KIAA0586: variants seen among roughly 807,000 people sequenced by gnomAD.
KIAA0586 encodes KIAA0586.
Under a neutral mutation model 169.8 loss-of-function variants are expected in KIAA0586, and 144 were observed. The observed-to-expected ratio is 0.85, with a 90% confidence interval of 0.74 to 0.97. The LOEUF (loss-of-function observed/expected upper bound fraction) is 0.97. Among genes scored for constraint, KIAA0586 ranks in the 50% least tolerant of loss-of-function variants. KIAA0586 has a pLI of 0.00. For synonymous variants in KIAA0586, 625 were observed against 612.4 expected, an observed-to-expected ratio of 1.02 and a Z score of -0.30; for missense variants, 1,854 against 1,823.0, an observed-to-expected ratio of 1.02 and a Z score of -0.31.
At chr14:58,557,815 A>T in the KIAA0586 span, among the ~76,000 whole-genome samples, 1 of 148,914 alleles carries the variant, frequency 6.7e-6, no homozygotes, top group African/African-American at 2.5e-5. Flanking sequence ...CTTCAGAGAG[A>T]GGAAGACTTT....
At chr14:58,429,799 G>C (rs890103156) in intron 2 of KIAA0586, among the ~76,000 whole-genome samples, 1 of 152,156 alleles carries the variant, frequency 6.6e-6, no homozygotes, top group African/African-American at 2.4e-5. Context: ...AGGTGTGCTT[G>C]CATGTCATTC....
the KIAA0586 span, among the ~76,000 whole-genome samples, chr14:58,560,031 A>G: frequency 2.0e-5 from 3 of 151,960 alleles, no homozygotes; most frequent in African/African-American, 7.3e-5. Flanking sequence ...CGCGCCTGTA[A>G]TACCAGCTAC....
chr14:58,458,642 A>G (rs780721211), intron 12 of KIAA0586, 97 bp downstream of exon 12: 16 of 639,352 alleles, frequency 2.5e-5, no homozygotes, highest in African/African-American at 2.5e-4. Flanking sequence ...AATATTTCTT[A>G]TATAAAAATC....
intron 22 of KIAA0586, 66 bp from the exon 23 acceptor site, chr14:58,487,821 A>G (rs755823833): frequency 8.1e-6 from 8 of 983,904 alleles, no homozygotes; most frequent in Admixed American, 2.2e-5. Context: ...GCAATGTATC[A>G]TGCCATCCTA....
intron 21 of KIAA0586, among the ~76,000 whole-genome samples, chr14:58,485,541 T>C (rs547934026): frequency 6.6e-6 from 1 of 152,272 alleles, no homozygotes; most frequent in East Asian, 1.9e-4. Context: ...TGGGAACTTA[T>C]TCCATAGATA....
intron 7 of KIAA0586, among the ~76,000 whole-genome samples, chr14:58,448,735 T>C (rs2039114361): frequency 6.6e-6 from 1 of 152,176 alleles, no homozygotes; most frequent in African/African-American, 2.4e-5. Context: ...TTAGTTTATT[T>C]TGAAATTTTT....
At chr14:58,444,219 C>T (rs2038661693) in intron 6 of KIAA0586, 44 bp downstream of exon 6, 3 of 1,242,736 alleles carry the variant, frequency 2.4e-6, no homozygotes, top group Non-Finnish European at 3.5e-6. Flanking sequence ...TCTTTTATCA[C>T]TTGGATCTCT....
At chr14:58,509,843 CA>C (rs1486573725) in intron 28 of KIAA0586, among the ~76,000 whole-genome samples, 1 of 151,914 alleles carries the variant, frequency 6.6e-6, no homozygotes, top group Non-Finnish European at 1.5e-5. Context: ...TTGGTCTTAT[CA>C]AAAATAAGAA....
At chr14:58,442,610 C>T in intron 4 of KIAA0586, 96 bp from the exon 5 acceptor site, 2 of 951,294 alleles carry the variant, frequency 2.1e-6, no homozygotes, top group Non-Finnish European at 1.5e-6. Flanking sequence ...TAAAAAAAAT[C>T]AAAACCACCT....
chr14:58,490,191 C>A lies in KIAA0586; in HGVS notation c.3809C>A (p.Thr1270Lys), dbSNP rs2141218096. 1 of 1,529,898 alleles carries A rather than the reference C, an allele frequency of 6.5e-7. No homozygotes were observed. The allele number at this position is 1,529,898 out of a possible 1,614,324, so 94.8% of individuals were successfully genotyped here. The change falls in exon 25 of 31, where the codon ACA becomes AAA. Residue 1270 changes from threonine (T) to lysine (K), a missense_variant. Thr to Lys is a moderately conservative substitution (Grantham distance 78). Transcript: ENST00000652326. ...KILEDIGLYL[T>K]NLNDSLSSTL... Reference sequence around the variant, plus strand: ...TTAGAAGATATAGGACTGTACCTGACAAACCTTAATGATAGCTTATCCAGC... The same window carrying A: ...TTAGAAGATATAGGACTGTACCTGAAAAACCTTAATGATAGCTTATCCAGC...
chr14:58,528,101 CAAAG>C (rs771797818), intron 29 of KIAA0586, among the ~76,000 whole-genome samples: 94 of 152,214 alleles, frequency 6.2e-4, no homozygotes, highest in Admixed American at 2.0e-3. Flanking sequence ...TAAAAAAAGA[CAAAG>C]AAGGTTATTA....
At chr14:58,477,302 G>C in intron 20 of KIAA0586, 61 bp downstream of exon 20, 1 of 859,632 alleles carries the variant, frequency 1.2e-6, no homozygotes, top group South Asian at 1.5e-5. Context: ...GTTCATCGTG[G>C]ATTTATATAT....
At chr14:58,524,862 C>T (rs959888754) in intron 29 of KIAA0586, among the ~76,000 whole-genome samples, 8 of 152,148 alleles carry the variant, frequency 5.3e-5, no homozygotes, top group East Asian at 1.9e-4. Context: ...ACTGCAGGTG[C>T]GTGCCACCAC....
At chr14:58,441,813 T>C (rs1381491934) in intron 4 of KIAA0586, 1 of 152,176 alleles carries the variant, frequency 6.6e-6, no homozygotes, top group Non-Finnish European at 1.5e-5. Context: ...TTTTGTATTT[T>C]AGTAGAGATG....
chr14:58,497,516 C>T (rs566666589), intron 26 of KIAA0586, among the ~76,000 whole-genome samples: 15 of 151,504 alleles, frequency 9.9e-5, no homozygotes, highest in African/African-American at 3.2e-4. Context: ...CCCGCCACCA[C>T]GCCTGGCTAA....
At chr14:58,513,456 G>A (rs1013472232) in intron 29 of KIAA0586, among the ~76,000 whole-genome samples, 11 of 152,030 alleles carry the variant, frequency 7.2e-5, no homozygotes, top group African/African-American at 2.6e-4. Context: ...GTTTTGGGAA[G>A]GACCTAAATG....
chr14:58,428,297 A>T lies in KIAA0586; in HGVS notation c.33A>T (p.Lys11Asn). 6.2e-7 allele frequency: 1 copy of T among 1,613,936 alleles called. No homozygotes were observed. The highest frequency in any genetic ancestry group is 1.1e-5 in the South Asian group (1 of 91,074). Reference sequence around the variant, plus strand: ...GCTCTGAGGTCAGCTTGGAGAAGAAAAAAAAGATTAAGATGCCAGTGAAGA... The same window carrying T: ...GCTCTGAGGTCAGCTTGGAGAAGAATAAAAAGATTAAGATGCCAGTGAAGA... MKGSEVSLEK[K>N]KKIKMPVKRL... Residue 11 changes from lysine to asparagine, a missense_variant, in exon 1 of 31, where the codon AAA becomes AAT. Transcript: ENST00000652326.
rs574884679 is a variant in KIAA0586, at chr14:58,530,724, A to G, written c.4430-9347A>G. On this transcript the variant is annotated intron_variant, in intron 29 of 30. Coordinates refer to ENST00000652326, the MANE Select transcript of KIAA0586 (RefSeq NM_001329943.3). ...GATTAAAGACTTAAACATAAGACCT[A>G]AAACCATAAAAACCCTAGAAGAAAA... 1.4e-3 allele frequency among the ~76,000 whole-genome samples: 209 copies of G among 152,352 alleles called. 1 individual carries two copies. The highest frequency in any genetic ancestry group is 3.9e-3 in the African/African-American group (162 of 41,588).
intron 26 of KIAA0586, among the ~76,000 whole-genome samples, chr14:58,493,162 G>A (rs1307156299): frequency 1.3e-5 from 2 of 152,240 alleles, no homozygotes; most frequent in South Asian, 4.1e-4. Flanking sequence ...AAATAGAGAG[G>A]AGAGAGATTT....
Sources: allele counts gnomAD v4.1 joint callset (sites outside exome capture counted in the v4.1 genomes callset), GRCh38; gene constraint gnomAD v4.1.1; transcripts MANE v1.5; gene names NCBI Gene and HGNC (gene_info 2026-07-23, HGNC 2026-07-21).